The following PCDHGB2 variants were observed in gnomAD, a reference collection of about 807,000 sequenced individuals.
PCDHGB2 encodes protocadherin gamma-B2.
A neutral mutation model predicts 59.3 loss-of-function variants in PCDHGB2; 55 were observed. The observed-to-expected ratio is 0.93, with a 90% CI of 0.75 to 1.16. The LOEUF (loss-of-function observed/expected upper bound fraction) is 1.16. Ranked by LOEUF, PCDHGB2 falls within the 50% of genes most tolerant of loss-of-function variation. The pLI is 0.00. For synonymous variants in PCDHGB2, 516 were observed against 512.0 expected (o/e 1.01, Z -0.11); for missense variants, 1,228 against 1,198.5 (o/e 1.02, Z -0.36).
Position 141,489,120 on chromosome 5 carries a change from G to T in PCDHGB2, c.2422-5687G>T. On this transcript the variant is annotated intron_variant, in intron 1 of 3. Coordinates refer to ENST00000522605, the MANE Select transcript of PCDHGB2 (RefSeq NM_018923.3). The surrounding 1 kb of genome is among the most constrained non-coding windows in gnomAD (Gnocchi z 4.5). Reference sequence around the variant, plus strand: ...AACTGCTGCAAGCAGGCAAACCTCCGAGCAGTTTTTAAGAGGCTGGAAGGA... The same window carrying T: ...AACTGCTGCAAGCAGGCAAACCTCCTAGCAGTTTTTAAGAGGCTGGAAGGA... 2.2e-6 allele frequency: 1 copy of T among 445,672 alleles called. No individual in the cohort carries two copies. The highest frequency in any genetic ancestry group is 3.8e-6 in the Non-Finnish European group (1 of 264,754). The allele number at this position is 445,672 out of a possible 1,614,324, so 27.6% of individuals were successfully genotyped here.
In PCDHGB2 at chr5:141,491,276, A is replaced by G; in HGVS notation, c.2422-3531A>G. The G allele has an allele frequency of 6.2e-7, 1 of 1,614,104 alleles. No individual in the cohort carries two copies. On this transcript the variant is annotated intron_variant, in intron 1 of 3. Coordinates refer to ENST00000522605, the MANE Select transcript of PCDHGB2 (RefSeq NM_018923.3). The surrounding 1 kb of genome is among the most constrained non-coding windows in gnomAD (Gnocchi z 6.9). ...CCTGAGGAAATGCCCAAATCCAGTG[A>G]CTTCCTCATACACCCTCCTGAGCGT...
chr5:141,510,862 C>CATTCA, intron 3 of PCDHGB2, 85 bp from the exon 4 acceptor site: 1 of 1,606,772 alleles, frequency 6.2e-7, no homozygotes, highest in South Asian at 1.1e-5. Flanking sequence ...GCTGTATAGG[C>CATTCA]ATTCATTAAC....
At chr5:141,427,557 A>G (rs1437024906) in intron 1 of PCDHGB2, 1 of 650,060 alleles carries the variant, frequency 1.5e-6, no homozygotes, top group Non-Finnish European at 2.8e-6. Flanking sequence ...TGCCACTGAC[A>G]AGGGCAAGCC....
intron 1 of PCDHGB2, chr5:141,398,074 T>A: frequency 6.3e-7 from 1 of 1,590,802 alleles, no homozygotes; most frequent in Non-Finnish European, 8.6e-7. Context: ...ATACAGAGGT[T>A]ATTTGTAACC....
At chr5:141,421,417 G>A (rs1188564125) in intron 1 of PCDHGB2, 2 of 1,613,950 alleles carry the variant, frequency 1.2e-6, no homozygotes, top group Non-Finnish European at 1.7e-6. Context: ...GGCGAAGCGC[G>A]GAGTCCGCAT....
intron 3 of PCDHGB2, among the ~76,000 whole-genome samples, chr5:141,510,369 C>G (rs1403924479): frequency 7.1e-6 from 1 of 140,308 alleles, no homozygotes; most frequent in Non-Finnish European, 1.6e-5. Context: ...TACCGAATCT[C>G]TACTCGTGCC....
chr5:141,433,032 C>G, intron 1 of PCDHGB2: 1 of 1,614,188 alleles, frequency 6.2e-7, no homozygotes, highest in Non-Finnish European at 8.5e-7. Context: ...CACGAGGTTT[C>G]CCTCACCACG....
chr5:141,410,251 C>T, intron 1 of PCDHGB2: 1 of 1,614,016 alleles, frequency 6.2e-7, no homozygotes, highest in Non-Finnish European at 8.5e-7. Flanking sequence ...TACTCTCTGA[C>T]CCCCAGGCTG....
rs2099746867 is a variant in PCDHGB2, at chr5:141,493,199, C to T, written c.2422-1608C>T. Among the ~76,000 whole-genome samples the T allele has an allele frequency of 6.6e-6, 1 of 152,168 alleles. No individual in the cohort carries two copies. Among genetic ancestry groups the T allele is most frequent in the Non-Finnish European group, 1.5e-5 (1 of 68,020 alleles). ...CTTACTATATAACTCCTTTGAGAAC[C>T]TCATCTCATTTGCTCTTCCCACCAT... On this transcript the variant is annotated intron_variant, in intron 1 of 3. Coordinates refer to ENST00000522605, the MANE Select transcript of PCDHGB2 (RefSeq NM_018923.3). This position sits in a 1 kb window ranked among gnomAD's most constrained non-coding sequence, Gnocchi z 4.3.
chr5:141,485,358 G>A lies in PCDHGB2; in HGVS notation c.2422-9449G>A, dbSNP rs372994272. The A allele has an allele frequency of 1.2e-6, 2 of 1,614,100 alleles. No homozygotes were observed. Among genetic ancestry groups the A allele is most frequent in the Admixed American group, 3.3e-5 (2 of 60,002 alleles). ...CTGGATACGGACAGTCTGTCAGCTC[G>A]CAGGCTGCAGGTCGCTGGAGAGGTG... is the stretch of plus-strand genomic sequence containing the variant. On this transcript the variant is annotated intron_variant, in intron 1 of 3. Transcript: ENST00000522605. This position sits in a 1 kb window ranked among gnomAD's most constrained non-coding sequence, Gnocchi z 5.7.
chr5:141,415,461 T>G, intron 1 of PCDHGB2: 1 of 1,614,180 alleles, frequency 6.2e-7, no homozygotes, highest in African/African-American at 1.3e-5. Flanking sequence ...ACGAGGTCTC[T>G]CTCACCGCGG....
chr5:141,508,535 C>A (rs1294413041), intron 3 of PCDHGB2, among the ~76,000 whole-genome samples: 1 of 152,172 alleles, frequency 6.6e-6, no homozygotes, highest in Non-Finnish European at 1.5e-5. Context: ...GGGCACCCCC[C>A]ACGAGGTGGG....
intron 1 of PCDHGB2, among the ~76,000 whole-genome samples, chr5:141,381,832 T>C (rs1244036161): frequency 1.7e-4 from 23 of 135,134 alleles, no homozygotes; most frequent in African/African-American, 6.3e-4. Context: ...TCTTCTTTTT[T>C]TTTTTTTTTT....
rs1761838030 is a variant in PCDHGB2 at position 141,361,005 on chromosome 5, CT to C, written c.875del (p.Phe292SerfsTer3). 1 of 1,613,186 alleles carries C rather than the reference CT, an allele frequency of 6.2e-7. No homozygotes were observed. Among genetic ancestry groups the C allele is most frequent in the East Asian group, 2.2e-5 (1 of 44,894 alleles). Reference protein sequence around the residue: ...FHNVDEQVKHFFNLNEKTGEI... With the variant: ...FHNVDEQVKHXFNLNEKTGEI... ...ATAATGTGGACGAACAAGTGAAACA[CT>C]TTTTCAACTTAAATGAAAAAACAGG... is the stretch of plus-strand genomic sequence containing the variant. On this transcript the variant is annotated frameshift_variant, in exon 1 of 4. Coordinates refer to ENST00000522605, the MANE Select transcript of PCDHGB2 (RefSeq NM_018923.3). LOFTEE classifies it high-confidence loss of function.
At chr5:141,370,230 C>CG (rs1766760577) in intron 1 of PCDHGB2, 1 of 588,024 alleles carries the variant, frequency 1.7e-6, no homozygotes, top group East Asian at 2.9e-5. Flanking sequence ...GCAGCCAGCT[C>CG]GGAAGAAAAG....
intron 1 of PCDHGB2, among the ~76,000 whole-genome samples, chr5:141,455,783 T>G (rs1475277198): frequency 1.3e-5 from 2 of 152,066 alleles, no homozygotes; most frequent in Non-Finnish European, 2.9e-5. Context: ...AAAAGAAACT[T>G]TTCCGGAGAT....
At chr5:141,366,394 C>A in intron 1 of PCDHGB2, 1 of 1,614,168 alleles carries the variant, frequency 6.2e-7, no homozygotes, top group Non-Finnish European at 8.5e-7. Flanking sequence ...AGGATCTGGA[C>A]CTCACACTCT....
rs201372696 is a variant in PCDHGB2, at chr5:141,400,469, C to T, written c.2421+37913C>T. On this transcript the variant is annotated intron_variant, in intron 1 of 3. Coordinates refer to ENST00000522605, the MANE Select transcript of PCDHGB2 (RefSeq NM_018923.3). ...CAAGACATACTTTGTGGTGATTCATCTGGGGCCTTATTTCCACTTTGTAAT... is the reference window on the plus strand; with the variant it reads ...CAAGACATACTTTGTGGTGATTCATTTGGGGCCTTATTTCCACTTTGTAAT... 15 of 1,613,944 alleles carry T rather than the reference C, an allele frequency of 9.3e-6. No individual in the cohort carries two copies. The African/African-American group carries it at 1.9e-4, about 20-fold the overall frequency.
intron 1 of PCDHGB2, among the ~76,000 whole-genome samples, chr5:141,452,988 T>C (rs2098753680): frequency 6.6e-6 from 1 of 152,228 alleles, no homozygotes; most frequent in Admixed American, 6.5e-5. Context: ...AGTACTGTGC[T>C]GAAAAGTTAC....
Sources: gnomAD v4.1 joint callset for allele counts (sites outside exome capture counted in the v4.1 genomes callset) on GRCh38, gnomAD v4.1.1 for gene constraint, Gnocchi (gnomAD v3.1) non-coding constraint, MANE v1.5 for transcripts, NCBI Gene and HGNC (gene_info 2026-07-23, HGNC 2026-07-21) for gene names.